HNF4G: variants seen among roughly 807,000 people sequenced by gnomAD.
HNF4G encodes the protein hepatocyte nuclear factor 4-gamma.
HNF4G carries 21 observed loss-of-function variants against 50.9 expected under a neutral mutation model. That is an observed-to-expected ratio of 0.41 (90% CI 0.29 to 0.59). HNF4G has a LOEUF of 0.59. Among genes scored for constraint, HNF4G ranks in the 20% least tolerant of loss-of-function variants. HNF4G has a pLI of 0.26. For missense variants in HNF4G, 527 were observed against 559.4 expected, an observed-to-expected ratio of 0.94 and a Z score of 0.58; for synonymous variants, 198 against 185.6, an observed-to-expected ratio of 1.07 and a Z score of -0.54.
At chr8:75,432,956 C>G (rs73341201) in intron 1 of HNF4G, among the ~76,000 whole-genome samples, 2,009 of 152,248 alleles carry the variant, frequency 0.013, 39 homozygotes, top group African/African-American at 0.046. Context: ...ACCAATTTGC[C>G]AGCTCTTTGA....
Position 75,458,925 on chromosome 8 carries a change from T to C in HNF4G, c.-143-31164T>C, listed in dbSNP as rs557720229. Reference sequence around the variant, plus strand: ...AAAACATTCTGATTATCCTTAATAATGTACATTTTTAAAGGTCAGTAATGG... The same window carrying C: ...AAAACATTCTGATTATCCTTAATAACGTACATTTTTAAAGGTCAGTAATGG... On this transcript the variant is annotated intron_variant, in intron 1 of 10. Coordinates refer to the HNF4G transcript ENST00000354370. Among the ~76,000 whole-genome samples the C allele has an allele frequency of 4.0e-3, 604 of 152,346 alleles. 4 individuals carry two copies. The highest frequency in any genetic ancestry group is 5.1e-3 in the Non-Finnish European group (349 of 68,026).
intron 2 of HNF4G, among the ~76,000 whole-genome samples, chr8:75,527,697 T>C (rs1290598844): frequency 6.6e-6 from 1 of 152,210 alleles, no homozygotes; most frequent in African/African-American, 2.4e-5. Flanking sequence ...GTTTAATATT[T>C]GCTTCTGAAA....
intron 1 of HNF4G, among the ~76,000 whole-genome samples, chr8:75,465,071 T>C (rs1169676716): frequency 1.3e-5 from 2 of 152,214 alleles, no homozygotes; most frequent in Non-Finnish European, 2.9e-5. Flanking sequence ...TTGTTTATCC[T>C]AACTGGAACT....
In HNF4G at chr8:75,565,627, A is replaced by T. The variant is rs999430017; in HGVS notation, c.*1531A>T. 1.3e-5 allele frequency: 2 copies of T among 152,148 alleles called. No homozygotes were observed. The highest frequency in any genetic ancestry group is 4.8e-5 in the African/African-American group (2 of 41,450). The allele number at this position is 152,148 out of a possible 1,614,324, so 9.4% of individuals were successfully genotyped here. The stretch of plus-strand genomic sequence containing the variant: ...TCCTCTCTGGTTGAGGAGAGGGAAA[A>T]TTGGAAAAACTGGTCGAGTAATTAT... On this transcript the variant is annotated 3_prime_UTR_variant, in exon 10 of 10. Transcript: ENST00000396423.
At chr8:75,534,329 T>A (rs777390456) in intron 2 of HNF4G, among the ~76,000 whole-genome samples, 2 of 151,198 alleles carry the variant, frequency 1.3e-5, no homozygotes, top group Non-Finnish European at 3.0e-5. Flanking sequence ...CAGCTCCTTA[T>A]CTTCTGAAAA....
At chr8:75,414,717 C>G (rs892361965) in intron 1 of HNF4G, among the ~76,000 whole-genome samples, 8 of 152,278 alleles carry the variant, frequency 5.3e-5, no homozygotes, top group Middle Eastern at 3.4e-3. Context: ...TTGCATGTAT[C>G]AATAGTTGTT....
intron 1 of HNF4G, among the ~76,000 whole-genome samples, chr8:75,484,233 C>A (rs980503200): frequency 1.3e-5 from 2 of 152,040 alleles, no homozygotes; most frequent in South Asian, 4.1e-4. Flanking sequence ...AGGAGAATGG[C>A]TAAGTATAGT....
intron 1 of HNF4G, among the ~76,000 whole-genome samples, chr8:75,448,890 A>G (rs964365903): frequency 1.3e-5 from 2 of 152,218 alleles, no homozygotes; most frequent in African/African-American, 4.8e-5. Context: ...TCTATATTAC[A>G]AATGTAGATT....
At chr8:75,479,677 C>A (rs955699787) in intron 1 of HNF4G, among the ~76,000 whole-genome samples, 1 of 149,494 alleles carries the variant, frequency 6.7e-6, no homozygotes, top group Non-Finnish European at 1.5e-5. Flanking sequence ...AAATTAGAAA[C>A]TGGATAACAA....
At chr8:75,431,801 C>G (rs1811022614) in intron 1 of HNF4G, among the ~76,000 whole-genome samples, 1 of 151,824 alleles carries the variant, frequency 6.6e-6, no homozygotes, top group Non-Finnish European at 1.5e-5. Flanking sequence ...TGTCAGGCGC[C>G]TGTAATCCCA....
intron 1 of HNF4G, among the ~76,000 whole-genome samples, chr8:75,480,434 A>G (rs891107277): frequency 2.0e-5 from 3 of 152,222 alleles, no homozygotes; most frequent in African/African-American, 7.2e-5. Context: ...TTTAAAAATA[A>G]TTTTTATCAG....
intron 1 of HNF4G, among the ~76,000 whole-genome samples, chr8:75,418,808 A>G (rs1585825256): frequency 7.2e-6 from 1 of 138,410 alleles, no homozygotes; most frequent in African/African-American, 2.8e-5. Flanking sequence ...GCTCACCGCA[A>G]CCTCCGCCTC....
At chr8:75,481,051 T>A (rs1165144403) in intron 1 of HNF4G, among the ~76,000 whole-genome samples, 1 of 152,110 alleles carries the variant, frequency 6.6e-6, no homozygotes, top group South Asian at 2.1e-4. Context: ...TGGAATTAGA[T>A]CACTGGTTTT....
chr8:75,544,618 T>C (rs1485310525), intron 2 of HNF4G, among the ~76,000 whole-genome samples: 2 of 149,594 alleles, frequency 1.3e-5, no homozygotes, highest in Non-Finnish European at 3.0e-5. Flanking sequence ...ATATTATATT[T>C]GTCACGCATT....
At chr8:75,435,905 T>G (rs1811125570) in intron 1 of HNF4G, among the ~76,000 whole-genome samples, 1 of 152,304 alleles carries the variant, frequency 6.6e-6, no homozygotes, top group East Asian at 1.9e-4. Context: ...AAAAACAAAT[T>G]TTAATGTTCT....
intron 1 of HNF4G, among the ~76,000 whole-genome samples, chr8:75,487,626 T>G (rs1451633010): frequency 6.6e-6 from 1 of 152,164 alleles, no homozygotes; most frequent in Non-Finnish European, 1.5e-5. Context: ...AGACCCAGTT[T>G]CATGATCACT....
chr8:75,418,256 A>C (rs1810688501), intron 1 of HNF4G, among the ~76,000 whole-genome samples: 1 of 152,008 alleles, frequency 6.6e-6, no homozygotes, highest in Non-Finnish European at 1.5e-5. Flanking sequence ...GTCATATTGT[A>C]TGAGGGCCCA....
At chr8:75,422,293 A>G (rs1810793152) in intron 1 of HNF4G, among the ~76,000 whole-genome samples, 1 of 152,180 alleles carries the variant, frequency 6.6e-6, no homozygotes, top group Non-Finnish European at 1.5e-5. Context: ...TCTGTTTTCT[A>G]GCCATTATGA....
intron 9 of HNF4G, among the ~76,000 whole-genome samples, chr8:75,563,130 T>G (rs191617678): frequency 7.9e-5 from 12 of 152,260 alleles, no homozygotes; most frequent in African/African-American, 2.6e-4. Context: ...AGCCTGATCA[T>G]CAAACATTTT....
Sources: allele counts gnomAD v4.1 joint callset (sites outside exome capture counted in the v4.1 genomes callset), GRCh38; gene constraint gnomAD v4.1.1; transcripts MANE v1.5; gene names NCBI Gene and HGNC (gene_info 2026-07-23, HGNC 2026-07-21).